Variants in PLCL2 observed in about 807,000 individuals in gnomAD.
PLCL2 encodes phospholipase C like 2, also known as inactive phospholipase C-like protein 2.
A neutral mutation model predicts 79.6 loss-of-function variants in PLCL2; 4 were observed. That is an observed-to-expected ratio of 0.05 (90% CI 0.02 to 0.11). PLCL2 has a LOEUF of 0.11. Ranked by LOEUF, PLCL2 falls within the 10% of genes least tolerant of loss-of-function variation. The pLI, the probability that PLCL2 is intolerant of heterozygous loss-of-function variation, is 1.00. For missense variants in PLCL2, 895 were observed against 1,291.0 expected (o/e 0.69, Z 4.70); for synonymous variants, 484 against 457.7 (o/e 1.06, Z -0.73).
intron 1 of PLCL2, among the ~76,000 whole-genome samples, chr3:16,904,734 G>A (rs1696712073): frequency 6.6e-6 from 1 of 152,128 alleles, no homozygotes; most frequent in African/African-American, 2.4e-5. Flanking sequence ...CCTGGTGGGA[G>A]GTAATTGAAT....
At chr3:16,945,413 T>A (rs901113087) in intron 1 of PLCL2, among the ~76,000 whole-genome samples, 1 of 152,200 alleles carries the variant, frequency 6.6e-6, no homozygotes, top group Admixed American at 6.5e-5. Flanking sequence ...GTGAAGTTTT[T>A]TTCTGCTTTG....
intron 1 of PLCL2, among the ~76,000 whole-genome samples, chr3:16,985,809 C>T (rs1051739303): frequency 2.6e-5 from 4 of 152,098 alleles, no homozygotes; most frequent in African/African-American, 7.2e-5. Flanking sequence ...TGGGATAGTG[C>T]ACAGTTGTTT....
At chr3:16,926,572 A>C (rs1303315273) in intron 1 of PLCL2, among the ~76,000 whole-genome samples, 2 of 152,216 alleles carry the variant, frequency 1.3e-5, no homozygotes, top group Non-Finnish European at 2.9e-5. Context: ...ACTTAGAGAC[A>C]AAGCCTATTT....
At chr3:17,063,860 T>C (rs1287034155) in intron 4 of PLCL2, among the ~76,000 whole-genome samples, 3 of 152,196 alleles carry the variant, frequency 2.0e-5, no homozygotes, top group Admixed American at 2.0e-4. Context: ...GTAATTAAAG[T>C]GCAAGGAGTT....
chr3:17,023,928 T>A (rs1205868512), intron 3 of PLCL2, among the ~76,000 whole-genome samples: 2 of 152,142 alleles, frequency 1.3e-5, no homozygotes, highest in African/African-American at 4.8e-5. Context: ...AGAAATAACT[T>A]ATTGACACCA....
chr3:17,079,320 G>C (rs916015708), intron 5 of PLCL2, among the ~76,000 whole-genome samples: 1 of 152,084 alleles, frequency 6.6e-6, no homozygotes, highest in African/African-American at 2.4e-5. Context: ...CACCTCCACT[G>C]TCTGGAGACT....
intron 3 of PLCL2, among the ~76,000 whole-genome samples, chr3:17,027,891 C>T (rs954312947): frequency 6.6e-6 from 1 of 152,210 alleles, no homozygotes; most frequent in Non-Finnish European, 1.5e-5. Flanking sequence ...AACGTTTGCT[C>T]TGATTTTAAT....
intron 1 of PLCL2, among the ~76,000 whole-genome samples, chr3:16,949,615 A>C (rs1269691504): frequency 6.6e-6 from 1 of 152,002 alleles, no homozygotes; most frequent in African/African-American, 2.4e-5. Flanking sequence ...AGAAGTTTTA[A>C]ATTTAGATGT....
At chr3:17,085,405 G>A (rs1478380397) in intron 5 of PLCL2, among the ~76,000 whole-genome samples, 2 of 151,840 alleles carry the variant, frequency 1.3e-5, no homozygotes, top group African/African-American at 4.8e-5. Flanking sequence ...GGGATTACAG[G>A]CATGAGCCAC....
At chr3:17,078,076 C>T (rs1458297958) in intron 5 of PLCL2, among the ~76,000 whole-genome samples, 29 of 152,226 alleles carry the variant, frequency 1.9e-4, no homozygotes, top group Admixed American at 1.9e-3. Flanking sequence ...CTGCCTCAGC[C>T]TAGCCTTTTA....
chr3:16,905,890 T>C (rs995545477), intron 1 of PLCL2, among the ~76,000 whole-genome samples: 2 of 152,138 alleles, frequency 1.3e-5, no homozygotes, highest in African/African-American at 2.4e-5. Context: ...GAGTAGGTGT[T>C]GATGAGTGCC....
intron 1 of PLCL2, among the ~76,000 whole-genome samples, chr3:16,919,343 C>T (rs993770145): frequency 2.0e-5 from 3 of 152,046 alleles, no homozygotes; most frequent in South Asian, 2.1e-4. Flanking sequence ...CAAATTATCT[C>T]GCCTTTTTAC....
chr3:16,949,598 A>G (rs889126928), intron 1 of PLCL2, among the ~76,000 whole-genome samples: 1 of 152,104 alleles, frequency 6.6e-6, no homozygotes, highest in Admixed American at 6.5e-5. Flanking sequence ...AGTATCTTTT[A>G]TCAGGCAGAA....
chr3:17,029,622 A>T lies in PLCL2; in HGVS notation c.3019-13252A>T, dbSNP rs148202623. On this transcript the variant is annotated intron_variant, in intron 3 of 5. Transcript: ENST00000615277. ...TTAGCACATGGACTGGGGTCACACC[A>T]GAAAAGGGAAGCCTTGGGTAGGGAT... Among the ~76,000 whole-genome samples, 646 of 152,298 alleles carry T rather than the reference A, an allele frequency of 4.2e-3. 4 individuals are homozygous for T. The highest frequency in any genetic ancestry group is 0.014 in the African/African-American group (596 of 41,556).
In PLCL2 at chr3:16,925,492, C is replaced by CT. The variant is rs566007763; in HGVS notation, c.327+40127dup. Among the ~76,000 whole-genome samples the CT allele has an allele frequency of 2.0e-4, 31 of 152,304 alleles. No individual in the cohort carries two copies. The East Asian group carries it at 5.4e-3, about 27-fold the overall frequency. ...ATAGTTATGCAACCATTACCACTAT[C>CT]TAATTGCAGAACACTTTCATGTCTC... On this transcript the variant is annotated intron_variant, in intron 1 of 5. Coordinates refer to ENST00000615277, the MANE Select transcript of PLCL2 (RefSeq NM_001144382.2).
intron 1 of PLCL2, among the ~76,000 whole-genome samples, chr3:16,899,836 G>GC (rs11462292): frequency 0.044 from 3,179 of 72,254 alleles, 51 homozygotes; most frequent in African/African-American, 0.097. Flanking sequence ...CCCCCCCGCC[G>GC]CCCCCCGTCA....
intron 1 of PLCL2, among the ~76,000 whole-genome samples, chr3:16,965,928 C>T (rs536655287): frequency 6.2e-4 from 95 of 152,266 alleles, no homozygotes; most frequent in African/African-American, 1.8e-3. Flanking sequence ...GGGGCTGAGA[C>T]GATGGGATTT....
intron 1 of PLCL2, among the ~76,000 whole-genome samples, chr3:16,997,003 T>C (rs142628080): frequency 2.1e-3 from 320 of 152,352 alleles, no homozygotes; most frequent in Admixed American, 4.1e-3. Context: ...AAAAGTTATA[T>C]GATCTGTCAC....
intron 3 of PLCL2, among the ~76,000 whole-genome samples, chr3:17,030,307 T>G (rs912036742): frequency 6.6e-6 from 1 of 152,180 alleles, no homozygotes; most frequent in African/African-American, 2.4e-5. Flanking sequence ...GTAAATAGCC[T>G]AGAACATAAT....
Sources: allele counts gnomAD v4.1 joint callset (sites outside exome capture counted in the v4.1 genomes callset), GRCh38; gene constraint gnomAD v4.1.1; transcripts MANE v1.5; gene names NCBI Gene and HGNC (gene_info 2026-07-23, HGNC 2026-07-21).